IFT52: variants seen among roughly 807,000 people sequenced by gnomAD.
IFT52 encodes the protein intraflagellar transport 52.
In IFT52, 44 loss-of-function variants were observed where a neutral mutation model predicts 54.4. The ratio of observed to expected loss-of-function variants is 0.81; its 90% CI spans 0.63 to 1.04. IFT52 has a LOEUF of 1.04. IFT52 is among the 50% of genes least tolerant of loss of function. IFT52 has a pLI of 0.00. For synonymous variants in IFT52, 181 were observed against 185.3 expected, an observed-to-expected ratio of 0.98 and a Z score of 0.19; for missense variants, 452 against 523.6, an observed-to-expected ratio of 0.86 and a Z score of 1.33.
intron 13 of IFT52, among the ~76,000 whole-genome samples, chr20:43,646,385 TG>T (rs1986201557): frequency 6.6e-6 from 1 of 152,134 alleles, no homozygotes; most frequent in African/African-American, 2.4e-5. Context: ...GATGCTCATT[TG>T]GCAGTGTTTT....
rs150646133 is a variant in IFT52 at position 43,622,993 on chromosome 20, A to T, written c.769-898A>T. 1.3e-3 allele frequency among the ~76,000 whole-genome samples: 198 copies of T among 152,082 alleles called. 1 individual carries two copies. Among genetic ancestry groups the T allele is most frequent in the African/African-American group, 4.7e-3 (193 of 41,488 alleles). ...GGGGAGAAGGACTGGGATCTAGTGTAGCAGTGGAGGAACTGTCTGTACTGG... is the reference window on the plus strand; with the variant it reads ...GGGGAGAAGGACTGGGATCTAGTGTTGCAGTGGAGGAACTGTCTGTACTGG... On this transcript the variant is annotated intron_variant, in intron 9 of 13. Coordinates refer to ENST00000373030, the MANE Select transcript of IFT52 (RefSeq NM_016004.5).
chr20:43,592,989 C>T (rs1601014170), intron 1 of IFT52, among the ~76,000 whole-genome samples: 1 of 152,128 alleles, frequency 6.6e-6, no homozygotes, highest in Non-Finnish European at 1.5e-5. Flanking sequence ...GTCCCAGCTA[C>T]CCATGAGGTT....
At chr20:43,620,039 C>G (rs1353435891) in intron 8 of IFT52, among the ~76,000 whole-genome samples, 1 of 149,760 alleles carries the variant, frequency 6.7e-6, no homozygotes, top group African/African-American at 2.5e-5. Flanking sequence ...GCCTCAGCCT[C>G]CTGAGTAGCT....
intron 10 of IFT52, among the ~76,000 whole-genome samples, chr20:43,625,538 A>T (rs1403835170): frequency 6.6e-6 from 1 of 152,102 alleles, no homozygotes; most frequent in Non-Finnish European, 1.5e-5. Context: ...GGATGGCTTC[A>T]TTGAAAAGGT....
rs750506810 is a variant in IFT52, at chr20:43,637,267, AC to A, written c.1120+15del. On this transcript the variant is annotated intron_variant, in intron 12 of 13. Coordinates refer to ENST00000373030, the MANE Select transcript of IFT52 (RefSeq NM_016004.5). Reference sequence around the variant, plus strand: ...TTACCAATAAGTGTAAGTTTGGCGAACTTTTTTTTTTTGAGACAGAGTTTCA... The same window carrying A: ...TTACCAATAAGTGTAAGTTTGGCGAATTTTTTTTTTTGAGACAGAGTTTCA... The A allele has an allele frequency of 6.8e-7, 1 of 1,466,490 alleles. No homozygotes were observed. Among genetic ancestry groups the A allele is most frequent in the Non-Finnish European group, 9.2e-7 (1 of 1,085,948 alleles). 90.8% of individuals were successfully genotyped at this position (1,466,490 alleles called of 1,614,324 possible).
chr20:43,636,926 G>T (rs1039655694), intron 11 of IFT52, among the ~76,000 whole-genome samples: 26 of 152,156 alleles, frequency 1.7e-4, no homozygotes, highest in Non-Finnish European at 1.2e-4. Context: ...GGTGATGGGA[G>T]TTTGGGTATT....
chr20:43,631,758 T>G (rs1985186061), intron 10 of IFT52, among the ~76,000 whole-genome samples: 1 of 152,066 alleles, frequency 6.6e-6, no homozygotes, highest in African/African-American at 2.4e-5. Context: ...TGGCCTGCTA[T>G]TCTGTGAAAA....
At chr20:43,601,353 A>G (rs1036772675) in intron 3 of IFT52, among the ~76,000 whole-genome samples, 1 of 152,200 alleles carries the variant, frequency 6.6e-6, no homozygotes, top group African/African-American at 2.4e-5. Flanking sequence ...CTAAAATTCA[A>G]GTCTGCAAAA....
chr20:43,616,837 A>G (rs546473481), intron 7 of IFT52, among the ~76,000 whole-genome samples: 1 of 152,248 alleles, frequency 6.6e-6, no homozygotes, highest in Admixed American at 6.5e-5. Context: ...CCTTGGCAAC[A>G]TAGTAAGACC....
At chr20:43,633,664 C>G (rs1312625186) in intron 10 of IFT52, among the ~76,000 whole-genome samples, 1 of 151,896 alleles carries the variant, frequency 6.6e-6, no homozygotes, top group Non-Finnish European at 1.5e-5. Context: ...GCTGAGATTG[C>G]ACCACTGCAC....
Position 43,613,844 on chromosome 20 carries a change from T to C in IFT52, c.486-6T>C. 3 of 1,605,186 alleles carry C rather than the reference T, an allele frequency of 1.9e-6. No individual in the cohort carries two copies. Among genetic ancestry groups the C allele is most frequent in the Non-Finnish European group, 2.5e-6 (3 of 1,177,612 alleles). On this transcript the variant is annotated splice_polypyrimidine_tract_variant and splice_region_variant and intron_variant, in intron 6 of 13. Transcript: ENST00000373030. ...AATTTGAATGTGTTTCTTTAATTTCTTACAGGGCTCTCACCTTTGTGTATC... is the reference window on the plus strand; with the variant it reads ...AATTTGAATGTGTTTCTTTAATTTCCTACAGGGCTCTCACCTTTGTGTATC...
At chr20:43,603,661 T>G in intron 3 of IFT52, 99 bp from the exon 4 acceptor site, 1 of 1,088,670 alleles carries the variant, frequency 9.2e-7, no homozygotes, top group Non-Finnish European at 1.4e-6. Context: ...CCTTATAGAT[T>G]TGAAATATGT....
At chr20:43,601,062 T>C (rs1038253377) in intron 3 of IFT52, among the ~76,000 whole-genome samples, 1 of 152,188 alleles carries the variant, frequency 6.6e-6, no homozygotes, top group East Asian at 1.9e-4. Context: ...TGAGAAGATA[T>C]TCAAATGCTG....
chr20:43,611,441 C>CTTT (rs11469500), intron 6 of IFT52, among the ~76,000 whole-genome samples: 1 of 55,076 alleles, frequency 1.8e-5, no homozygotes, highest in Non-Finnish European at 3.1e-5. Flanking sequence ...AAATGTCAGT[C>CTTT]TTTTTTTTTT....
intron 6 of IFT52, 144 bp downstream of exon 6, chr20:43,605,217 G>A (rs1601032116): frequency 6.9e-7 from 1 of 1,443,384 alleles, no homozygotes; most frequent in Non-Finnish European, 9.1e-7. Flanking sequence ...GCTCTGCACT[G>A]TAAGTCCATG....
intron 12 of IFT52, among the ~76,000 whole-genome samples, chr20:43,641,526 C>A (rs1182108777): frequency 2.7e-5 from 4 of 149,838 alleles, no homozygotes; most frequent in Non-Finnish European, 4.4e-5. Context: ...ATGTGAGCCA[C>A]CACGTCCCCC....
intron 8 of IFT52, among the ~76,000 whole-genome samples, chr20:43,619,792 G>A (rs1369426545): frequency 2.6e-5 from 4 of 151,952 alleles, no homozygotes; most frequent in Non-Finnish European, 2.9e-5. Flanking sequence ...TGATTCCAGT[G>A]AGAGAAAGAA....
chr20:43,627,030 G>T (rs1257224785), intron 10 of IFT52, among the ~76,000 whole-genome samples: 1 of 151,990 alleles, frequency 6.6e-6, no homozygotes, highest in African/African-American at 2.4e-5. Flanking sequence ...AGCTAGGCAT[G>T]GTGGCACACG....
intron 7 of IFT52, chr20:43,618,272 G>A (rs898604737): frequency 2.7e-5 from 4 of 148,368 alleles, no homozygotes; most frequent in Admixed American, 6.7e-5. Context: ...AGTGCATGGT[G>A]CAGTCATAGC....
Sources: gnomAD v4.1 joint callset for allele counts (sites outside exome capture counted in the v4.1 genomes callset) on GRCh38, gnomAD v4.1.1 for gene constraint, MANE v1.5 for transcripts, NCBI Gene and HGNC (gene_info 2026-07-23, HGNC 2026-07-21) for gene names.